The following STARD13 variants were observed in gnomAD, a reference collection of about 807,000 sequenced individuals.
STARD13 encodes StAR related lipid transfer domain containing 13.
STARD13 carries 62 observed loss-of-function variants against 106.4 expected under a neutral mutation model. The observed-to-expected ratio is 0.58, with a 90% CI of 0.48 to 0.72. STARD13 has a LOEUF of 0.72. Ranked by LOEUF, STARD13 falls within the 30% of genes least tolerant of loss-of-function variation. The probability of loss-of-function intolerance (pLI) is 0.00; values close to 1 mark genes in which losing one functional copy is unlikely to be tolerated. For missense variants in STARD13, 1,387 were observed against 1,424.0 expected, an observed-to-expected ratio of 0.97 and a Z score of 0.42; for synonymous variants, 565 against 553.0, an observed-to-expected ratio of 1.02 and a Z score of -0.31.
At chr13:33,530,546 A>C in the STARD13 span, among the ~76,000 whole-genome samples, 1 of 152,142 alleles carries the variant, frequency 6.6e-6, no homozygotes. Context: ...GAGTTTTCCC[A>C]ATCTGAATTT....
At chr13:33,106,687 C>A in intron 13 of STARD13, 71 bp downstream of exon 13, 1 of 1,378,812 alleles carries the variant, frequency 7.3e-7, no homozygotes, top group South Asian at 1.6e-5. Context: ...AGGGTGACAT[C>A]CCTGCTGGAT....
chr13:33,614,293 G>GTGTGTGTT, the STARD13 span, among the ~76,000 whole-genome samples: 4 of 151,958 alleles, frequency 2.6e-5, no homozygotes, highest in African/African-American at 9.7e-5. Context: ...GTGTGTGTGT[G>GTGTGTGTT]TGTTTCTTGG....
chr13:33,154,820 T>A (rs926973954), intron 3 of STARD13, among the ~76,000 whole-genome samples: 1 of 152,112 alleles, frequency 6.6e-6, no homozygotes. Flanking sequence ...GGGTCATGAC[T>A]AGCGATTTCT....
chr13:33,427,832 G>C, the STARD13 span, among the ~76,000 whole-genome samples: 1 of 151,958 alleles, frequency 6.6e-6, no homozygotes, highest in Non-Finnish European at 1.5e-5. Context: ...ATGCATGCCT[G>C]TAATCCTAGC....
chr13:33,112,981 C>G (rs1874843686), intron 8 of STARD13, 50 bp from the exon 9 acceptor site: 1 of 1,450,226 alleles, frequency 6.9e-7, no homozygotes, highest in Non-Finnish European at 9.4e-7. Context: ...ATAGAAAGAG[C>G]CAGCTGGGAA....
chr13:33,526,638 CA>C, the STARD13 span, among the ~76,000 whole-genome samples: 4 of 152,076 alleles, frequency 2.6e-5, no homozygotes, highest in East Asian at 7.7e-4. Context: ...CTACAGACTA[CA>C]GACTACTTAC....
chr13:33,161,229 A>T (rs1158795937), intron 3 of STARD13, among the ~76,000 whole-genome samples: 3 of 152,200 alleles, frequency 2.0e-5, no homozygotes, highest in African/African-American at 7.2e-5. Flanking sequence ...CAAAAAACAA[A>T]TCAGTGGTTT....
At chr13:33,282,303 A>G (rs1051375969) in intron 1 of STARD13, among the ~76,000 whole-genome samples, 4 of 152,202 alleles carry the variant, frequency 2.6e-5, no homozygotes, top group Admixed American at 6.5e-5. Flanking sequence ...GAACTAAAAA[A>G]CAGGCTAGAG....
At chr13:33,528,801 T>C in the STARD13 span, among the ~76,000 whole-genome samples, 1 of 152,118 alleles carries the variant, frequency 6.6e-6, no homozygotes, top group African/African-American at 2.4e-5. Context: ...ATATTTACTG[T>C]AATGAAAGTG....
chr13:33,400,681 T>G, the STARD13 span, among the ~76,000 whole-genome samples: 1 of 152,126 alleles, frequency 6.6e-6, no homozygotes, highest in Non-Finnish European at 1.5e-5. Flanking sequence ...GCCAGGATGG[T>G]CTTGATCTCC....
chr13:33,363,945 TA>T, the STARD13 span, among the ~76,000 whole-genome samples: 4 of 152,152 alleles, frequency 2.6e-5, no homozygotes, highest in Non-Finnish European at 2.9e-5. Context: ...ATTAATCCAT[TA>T]AAAAGATAGA....
At chr13:33,231,061 C>T (rs887587048) in intron 1 of STARD13, among the ~76,000 whole-genome samples, 7 of 152,216 alleles carry the variant, frequency 4.6e-5, no homozygotes, top group Admixed American at 2.6e-4. Flanking sequence ...GGATGACCTA[C>T]CATCCCAGTT....
chr13:33,202,188 T>C (rs1485520585), intron 1 of STARD13, among the ~76,000 whole-genome samples: 3 of 152,204 alleles, frequency 2.0e-5, no homozygotes, highest in Non-Finnish European at 2.9e-5. Flanking sequence ...AGATGGATGA[T>C]AGTTTTAATG....
chr13:33,625,727 G>A, the STARD13 span, among the ~76,000 whole-genome samples: 1 of 151,468 alleles, frequency 6.6e-6, no homozygotes, highest in Middle Eastern at 3.4e-3. Flanking sequence ...TTTTGAGACG[G>A]AGTCTCGCTC....
chr13:33,381,094 G>A, the STARD13 span, among the ~76,000 whole-genome samples: 2 of 152,240 alleles, frequency 1.3e-5, no homozygotes, highest in Admixed American at 6.5e-5. Context: ...TATGTTCTGA[G>A]GAATGTATAT....
the STARD13 span, among the ~76,000 whole-genome samples, chr13:33,569,454 G>C: frequency 6.8e-6 from 1 of 147,426 alleles, no homozygotes; most frequent in Non-Finnish European, 1.5e-5. Context: ...TAAATAAATA[G>C]TTTGTAATTA....
chr13:33,621,107 A>C, the STARD13 span, among the ~76,000 whole-genome samples: 1 of 151,984 alleles, frequency 6.6e-6, no homozygotes. Context: ...AAAGTAGAAG[A>C]GTGAAAATTA....
downstream of STARD13, among the ~76,000 whole-genome samples, chr13:33,346,006 A>G (rs74047820): frequency 0.19 from 28,750 of 152,160 alleles, 3,147 homozygotes; most frequent in African/African-American, 0.29. Flanking sequence ...GCCACTTCGT[A>G]TGTAGTCAGT....
At chr13:33,264,638 G>C (rs1373530781) in intron 1 of STARD13, among the ~76,000 whole-genome samples, 1 of 152,128 alleles carries the variant, frequency 6.6e-6, no homozygotes, top group African/African-American at 2.4e-5. Flanking sequence ...TATAAATACG[G>C]GACAAGAACA....
Sources: gnomAD v4.1 joint callset for allele counts (sites outside exome capture counted in the v4.1 genomes callset) on GRCh38, gnomAD v4.1.1 for gene constraint, MANE v1.5 for transcripts, NCBI Gene and HGNC (gene_info 2026-07-23, HGNC 2026-07-21) for gene names.